The following CFAP92 variants were observed in gnomAD, a reference collection of about 807,000 sequenced individuals.
The protein encoded by CFAP92 is uncharacterized protein CFAP92.
CFAP92 carries 86 observed loss-of-function variants against 106.3 expected under a neutral mutation model. The observed-to-expected ratio is 0.81, with a 90% CI of 0.68 to 0.97. CFAP92 has a LOEUF of 0.97. CFAP92 is among the 50% of genes least tolerant of loss of function. CFAP92 has a pLI of 0.00. For missense variants in CFAP92, 1,204 were observed against 1,283.8 expected (o/e 0.94, Z 0.95); for synonymous variants, 477 against 506.4 (o/e 0.94, Z 0.78).
At chr3:129,001,690 G>T (rs1310044469) in intron 1 of CFAP92, 1 of 1,489,038 alleles carries the variant, frequency 6.7e-7, no homozygotes, top group Non-Finnish European at 8.9e-7. Flanking sequence ...GACCCGTACC[G>T]GCGACCTGCG....
chr3:128,991,066 A>G (rs1944182595), intron 2 of CFAP92, among the ~76,000 whole-genome samples: 1 of 152,208 alleles, frequency 6.6e-6, no homozygotes, highest in Admixed American at 6.5e-5. Flanking sequence ...ACAAGGTCTC[A>G]TGAAGTTTTG....
chr3:128,920,117 A>G (rs976644942), intron 12 of CFAP92, among the ~76,000 whole-genome samples: 14 of 152,226 alleles, frequency 9.2e-5, no homozygotes, highest in Admixed American at 6.5e-4. Flanking sequence ...AGAACATTAA[A>G]ACTAGTCTGG....
chr3:128,952,108 T>C lies in CFAP92; in HGVS notation c.1354-6133A>G, dbSNP rs1263055903. 2.6e-5 allele frequency among the ~76,000 whole-genome samples: 4 copies of C among 151,464 alleles called. No homozygotes were observed. In the East Asian group the frequency reaches 5.8e-4, roughly 22 times the overall value. On this transcript the variant is annotated intron_variant, in intron 9 of 15. Transcript: ENST00000645291. ...TGGAGAAGGCCTGCTACACATACAA[T>C]TTTTTTCTTTCTTTTCTTCTTCTTC...
chr3:129,016,103 C>T, the CFAP92 span, among the ~76,000 whole-genome samples: 2 of 152,164 alleles, frequency 1.3e-5, no homozygotes, highest in African/African-American at 2.4e-5. Flanking sequence ...TGAGCCCAGG[C>T]GGTGTAATGG....
the CFAP92 span, among the ~76,000 whole-genome samples, chr3:129,026,463 T>C: frequency 6.6e-6 from 1 of 152,220 alleles, no homozygotes; most frequent in Non-Finnish European, 1.5e-5. Context: ...CCTTACCTGC[T>C]GACATACCTC....
chr3:128,988,792 G>A lies in CFAP92; in HGVS notation c.389C>T (p.Pro130Leu), dbSNP rs1299569632. The A allele has an allele frequency of 6.2e-7, 1 of 1,613,966 alleles. No homozygotes were observed. The highest frequency in any genetic ancestry group is 8.5e-7 in the Non-Finnish European group (1 of 1,179,878). ...EYFLLPDDEE[P>L]KKVDILLFPM... ...AAATAGCAATATGTCAACTTTTTTA[G>A]GTTCTTCATCGTCCGGCAGAAGGAA... The change falls in exon 3 of 16, where the codon CCT (proline) becomes CTT (leucine). Residue 130 changes from proline (P) to leucine (L), a missense_variant. Pro to Leu is a moderately conservative substitution (Grantham distance 98). Transcript: ENST00000645291.
chr3:129,000,555 A>G (rs1944675763), intron 1 of CFAP92, among the ~76,000 whole-genome samples: 1 of 152,228 alleles, frequency 6.6e-6, no homozygotes, highest in Non-Finnish European at 1.5e-5. Flanking sequence ...TTCCCGGTGC[A>G]GGTAACAGGT....
At chr3:128,980,519 A>T (rs1300192219) in intron 4 of CFAP92, among the ~76,000 whole-genome samples, 1 of 152,124 alleles carries the variant, frequency 6.6e-6, no homozygotes, top group Non-Finnish European at 1.5e-5. Flanking sequence ...ATTTGCCTGC[A>T]TTGATCAACT....
chr3:128,965,426 A>G, intron 9 of CFAP92, 85 bp downstream of exon 9: 1 of 398,396 alleles, frequency 2.5e-6, no homozygotes, highest in Non-Finnish European at 4.4e-6. Flanking sequence ...ATGTGGGGCC[A>G]TCAGGAGGAC....
chr3:128,935,700 G>A (rs563026619), intron 10 of CFAP92, among the ~76,000 whole-genome samples: 3 of 151,958 alleles, frequency 2.0e-5, no homozygotes, highest in East Asian at 3.9e-4. Flanking sequence ...TAACAAGAGC[G>A]AAACTCCGTC....
chr3:128,976,438 A>G (rs1943163995), intron 6 of CFAP92, among the ~76,000 whole-genome samples: 1 of 152,162 alleles, frequency 6.6e-6, no homozygotes. Context: ...TACAAAAACA[A>G]TTTTTAAAAA....
chr3:128,973,088 C>T (rs1007789190), intron 7 of CFAP92, among the ~76,000 whole-genome samples: 1 of 152,194 alleles, frequency 6.6e-6, no homozygotes, highest in South Asian at 2.1e-4. Flanking sequence ...TCAAGTCAAA[C>T]GATAAGTTAT....
At chr3:129,022,581 C>T in the CFAP92 span, among the ~76,000 whole-genome samples, 5 of 152,302 alleles carry the variant, frequency 3.3e-5, no homozygotes, top group East Asian at 1.9e-4. Flanking sequence ...ACCCGGCCTC[C>T]GGATGCTGTG....
chr3:129,024,200 T>C, the CFAP92 span, among the ~76,000 whole-genome samples: 2 of 152,134 alleles, frequency 1.3e-5, no homozygotes, highest in African/African-American at 4.8e-5. Context: ...TTTGTTCTGC[T>C]GTAACAGAAT....
chr3:128,942,380 C>T (rs1466651504), intron 10 of CFAP92, among the ~76,000 whole-genome samples: 1 of 152,224 alleles, frequency 6.6e-6, no homozygotes, highest in Non-Finnish European at 1.5e-5. Flanking sequence ...CGCCCCAGCC[C>T]TGGCGGCCAC....
rs951815363 is a variant in CFAP92 at position 128,987,847 on chromosome 3, C to T, written c.454-18G>A. The T allele has an allele frequency of 1.0e-5, 16 of 1,579,034 alleles. No homozygotes were observed. Among genetic ancestry groups the T allele is most frequent in the Non-Finnish European group, 1.4e-5 (16 of 1,161,864 alleles). ...TTCACAGTCTGTGTAAAACAACATT[C>T]AGAGATGTCAACTGGGGAAAGATGT... On this transcript the variant is annotated intron_variant, in intron 3 of 15. Transcript: ENST00000645291.
chr3:128,976,855 AG>A (rs1245221980), intron 6 of CFAP92, 123 bp downstream of exon 6: 4 of 745,820 alleles, frequency 5.4e-6, no homozygotes, highest in Non-Finnish European at 9.5e-6. Flanking sequence ...TGTTAGCTTA[AG>A]TTAGCCTGGA....
At chr3:129,015,745 G>A in the CFAP92 span, among the ~76,000 whole-genome samples, 8 of 152,016 alleles carry the variant, frequency 5.3e-5, no homozygotes, top group African/African-American at 1.7e-4. Context: ...CACCCCTTGT[G>A]ATTTATTTTC....
intron 9 of CFAP92, among the ~76,000 whole-genome samples, chr3:128,958,541 A>C (rs1293366390): frequency 6.6e-6 from 1 of 152,210 alleles, no homozygotes; most frequent in African/African-American, 2.4e-5. Flanking sequence ...ACTTTCCGTG[A>C]ATCTATATTT....
Sources: gnomAD v4.1 joint callset for allele counts (sites outside exome capture counted in the v4.1 genomes callset) on GRCh38, gnomAD v4.1.1 for gene constraint, MANE v1.5 for transcripts, NCBI Gene and HGNC (gene_info 2026-07-23, HGNC 2026-07-21) for gene names.